Variants in PTPRG observed in about 807,000 individuals in gnomAD.
PTPRG encodes receptor-type tyrosine-protein phosphatase gamma.
PTPRG carries 102 observed loss-of-function variants against 165.3 expected under a neutral mutation model. That is an observed-to-expected ratio of 0.62 (90% confidence interval 0.53 to 0.73). PTPRG has a LOEUF of 0.73. PTPRG is among the 30% of genes least tolerant of loss of function. PTPRG has a pLI of 0.00. For synonymous variants in PTPRG, 675 were observed against 669.5 expected, an observed-to-expected ratio of 1.01 and a Z score of -0.13; for missense variants, 1,866 against 1,861.4, an observed-to-expected ratio of 1.00 and a Z score of -0.05.
chr3:61,932,130 T>G (rs1315450623), intron 2 of PTPRG, among the ~76,000 whole-genome samples: 3 of 152,250 alleles, frequency 2.0e-5, no homozygotes, highest in African/African-American at 7.2e-5. Flanking sequence ...AGGTCAATTA[T>G]ATATCTACCA....
At chr3:61,694,159 G>T (rs1443601424) in intron 1 of PTPRG, among the ~76,000 whole-genome samples, 2 of 152,094 alleles carry the variant, frequency 1.3e-5, no homozygotes, top group Non-Finnish European at 2.9e-5. Flanking sequence ...TTGAATACAG[G>T]GAAGAATGCA....
At chr3:61,673,038 A>G (rs141121242) in intron 1 of PTPRG, among the ~76,000 whole-genome samples, 2,219 of 152,166 alleles carry the variant, frequency 0.015, 64 homozygotes, top group African/African-American at 0.05. Context: ...GCGTGCCCGT[A>G]GTCCTAGCTA....
intron 28 of PTPRG, 85 bp from the exon 29 acceptor site, chr3:62,292,336 A>G: frequency 2.8e-6 from 4 of 1,416,482 alleles, no homozygotes; most frequent in South Asian, 1.3e-5. Context: ...CTTAGTTTCT[A>G]TGAAAATACA....
At chr3:61,790,289 CT>C (rs1472760707) in intron 2 of PTPRG, among the ~76,000 whole-genome samples, 1 of 152,194 alleles carries the variant, frequency 6.6e-6, no homozygotes, top group East Asian at 1.9e-4. Context: ...GAGTTGTTGC[CT>C]TCTCTTCTCC....
At chr3:61,579,008 G>C (rs868089317) in intron 1 of PTPRG, among the ~76,000 whole-genome samples, 1 of 152,146 alleles carries the variant, frequency 6.6e-6, no homozygotes, top group Non-Finnish European at 1.5e-5. Flanking sequence ...AGGATCCTCA[G>C]GCCCCATCTC....
chr3:61,565,561 A>G (rs1275766814), intron 1 of PTPRG, among the ~76,000 whole-genome samples: 2 of 151,974 alleles, frequency 1.3e-5, no homozygotes, highest in Non-Finnish European at 2.9e-5. Context: ...AAAATATGTT[A>G]CTTCAGAGTG....
At chr3:62,263,504 A>G (rs1289481088) in intron 17 of PTPRG, 1 of 152,534 alleles carries the variant, frequency 6.6e-6, no homozygotes, top group African/African-American at 2.4e-5. Flanking sequence ...ACCACATTTC[A>G]CAGACATGTG....
intron 3 of PTPRG, among the ~76,000 whole-genome samples, chr3:61,992,229 CAAAG>C (rs554397941): frequency 2.2e-4 from 32 of 147,172 alleles, no homozygotes; most frequent in African/African-American, 7.7e-4. Context: ...CAATTTGAAA[CAAAG>C]AACATGCATT....
chr3:61,987,067 T>C (rs920506296), intron 2 of PTPRG, among the ~76,000 whole-genome samples: 1 of 152,214 alleles, frequency 6.6e-6, no homozygotes, highest in African/African-American at 2.4e-5. Flanking sequence ...ATTTATACAG[T>C]GTGGAATGGC....
chr3:61,800,622 G>A (rs1026443106), intron 2 of PTPRG, among the ~76,000 whole-genome samples: 4 of 151,380 alleles, frequency 2.6e-5, no homozygotes, highest in African/African-American at 7.3e-5. Context: ...AGAAAGAAGG[G>A]TGTTCCGTGG....
intron 4 of PTPRG, among the ~76,000 whole-genome samples, chr3:62,008,659 G>T (rs997241482): frequency 1.3e-5 from 2 of 152,224 alleles, no homozygotes; most frequent in African/African-American, 4.8e-5. Flanking sequence ...GACTGGTTTT[G>T]TGGAAGACAG....
At chr3:61,601,444 TA>T (rs1700865536) in intron 1 of PTPRG, among the ~76,000 whole-genome samples, 1 of 152,208 alleles carries the variant, frequency 6.6e-6, no homozygotes, top group Non-Finnish European at 1.5e-5. Context: ...TTTTATTATC[TA>T]GAGGAAAATT....
chr3:61,672,318 G>A lies in PTPRG; in HGVS notation c.86-76560G>A, dbSNP rs62244413. ...ACGCTCCTCACTTCCCAGACGGGGT[G>A]GCGGCCGGGCAGAGGCTGCAATCTC... On this transcript the variant is annotated intron_variant, in intron 1 of 29. Coordinates refer to ENST00000474889, the MANE Select transcript of PTPRG (RefSeq NM_002841.4). Among the ~76,000 whole-genome samples, 4 of 143,428 alleles carry A rather than the reference G, an allele frequency of 2.8e-5. No homozygotes were observed. In the South Asian group the frequency reaches 9.7e-4, roughly 35 times the overall value. 94.1% of individuals were successfully genotyped at this position (143,428 alleles called of 152,430 possible). A position where few individuals can be genotyped will look rare whatever the true frequency, so the allele number is the denominator to read the frequency against.
At position 62,255,135 on chromosome 3, in the gene PTPRG, G is replaced by C. The variant is rs375366467; in HGVS notation, c.2479G>C (p.Ala827Pro). The C allele has an allele frequency of 3.1e-6, 5 of 1,612,336 alleles. No homozygotes were observed. The African/African-American group carries it at 5.3e-5, about 17-fold the overall frequency. ...PIIPIPDDME[A>P]IPVKQFVKHI... ...TTTATTCCCCCCAGATGACATGGAA[G>C]CCATTCCTGTCAAACAGTTTGTCAA... Residue 827 changes from alanine (A) to proline (P), a missense_variant, in exon 16 of 30, where the codon GCC (alanine) becomes CCC (proline). Physicochemically the swap from Ala to Pro is conservative, Grantham distance 27. Transcript: ENST00000474889. This position sits in a 1 kb window ranked among gnomAD's most constrained non-coding sequence, Gnocchi z 4.0.
chr3:62,110,307 A>G (rs1234189986), intron 5 of PTPRG, among the ~76,000 whole-genome samples: 1 of 152,132 alleles, frequency 6.6e-6, no homozygotes, highest in Non-Finnish European at 1.5e-5. Context: ...AATTGCCACC[A>G]AACTACCAAC....
intron 2 of PTPRG, among the ~76,000 whole-genome samples, chr3:61,939,153 A>C (rs2039550739): frequency 6.6e-6 from 1 of 152,198 alleles, no homozygotes; most frequent in Non-Finnish European, 1.5e-5. Flanking sequence ...TCACACTTGT[A>C]GTGTGTTTAG....
intron 1 of PTPRG, among the ~76,000 whole-genome samples, chr3:61,610,549 C>T (rs9843830): frequency 0.03 from 4,592 of 152,198 alleles, 206 homozygotes; most frequent in African/African-American, 0.1. Context: ...GTATGTTTGC[C>T]TACATAGATT....
intron 2 of PTPRG, among the ~76,000 whole-genome samples, chr3:61,929,576 G>A (rs1326816143): frequency 6.6e-6 from 1 of 152,184 alleles, no homozygotes; most frequent in Admixed American, 6.5e-5. Flanking sequence ...GTTTTTCATT[G>A]TGGATTACTG....
At chr3:62,028,940 G>A (rs929798979) in intron 4 of PTPRG, among the ~76,000 whole-genome samples, 1 of 152,172 alleles carries the variant, frequency 6.6e-6, no homozygotes, top group African/African-American at 2.4e-5. Flanking sequence ...TTGGCCTAAT[G>A]CCAAAGACCC....
Sources: gnomAD v4.1 joint callset for allele counts (sites outside exome capture counted in the v4.1 genomes callset) on GRCh38, gnomAD v4.1.1 for gene constraint, Gnocchi (gnomAD v3.1) non-coding constraint, MANE v1.5 for transcripts, NCBI Gene and HGNC (gene_info 2026-07-23, HGNC 2026-07-21) for gene names.